Variants in CCDC47 observed in about 807,000 individuals in gnomAD.
CCDC47 encodes the protein PAT complex subunit CCDC47.
Under a neutral mutation model 60.5 loss-of-function variants are expected in CCDC47, and 41 were observed. That is an observed-to-expected ratio of 0.68 (90% CI 0.53 to 0.88). The LOEUF is 0.88. Ranked by LOEUF, CCDC47 falls within the 40% of genes least tolerant of loss-of-function variation. The probability of loss-of-function intolerance (pLI) is 0.00; values close to 1 mark genes in which losing one functional copy is unlikely to be tolerated. For missense variants in CCDC47, 513 were observed against 580.9 expected, an observed-to-expected ratio of 0.88 and a Z score of 1.20; for synonymous variants, 195 against 190.7, an observed-to-expected ratio of 1.02 and a Z score of -0.18.
intron 1 of CCDC47, among the ~76,000 whole-genome samples, chr17:63,772,590 A>G (rs561932585): frequency 2.8e-4 from 43 of 152,054 alleles, no homozygotes; most frequent in Middle Eastern, 6.8e-3. Flanking sequence ...TTTTTTTCAT[A>G]TAGAAGCAAC....
chr17:63,763,943 T>A (rs566660205), intron 4 of CCDC47, 73 bp downstream of exon 4: 1 of 1,244,962 alleles, frequency 8.0e-7, no homozygotes, highest in South Asian at 1.9e-5. Flanking sequence ...TAGATGCTTA[T>A]ACTGAGGGGA....
chr17:63,764,281 A>G (rs1165732999), intron 3 of CCDC47, 91 bp from the exon 4 acceptor site: 2 of 936,224 alleles, frequency 2.1e-6, no homozygotes, highest in African/African-American at 1.7e-5. Flanking sequence ...ATCCATAAAC[A>G]GAAGGGATAC....
intron 8 of CCDC47, chr17:63,755,243 A>T (rs1229892335): frequency 3.1e-6 from 3 of 963,850 alleles, no homozygotes; most frequent in Non-Finnish European, 1.2e-6. Context: ...TTGAGATTAC[A>T]AGTGTGAACC....
intron 12 of CCDC47, chr17:63,747,624 T>C (rs778532478): frequency 1.4e-5 from 14 of 985,224 alleles, no homozygotes; most frequent in Non-Finnish European, 1.7e-5. Context: ...TGTTGGCCAC[T>C]AGTGGTCACA....
At chr17:63,750,277 T>C (rs1421622237) in intron 12 of CCDC47, among the ~76,000 whole-genome samples, 1 of 152,128 alleles carries the variant, frequency 6.6e-6, no homozygotes, top group Non-Finnish European at 1.5e-5. Context: ...TCTTCACATG[T>C]ACATAAAAAG....
chr17:63,767,989 C>G (rs1347294289), intron 1 of CCDC47, among the ~76,000 whole-genome samples: 3 of 152,186 alleles, frequency 2.0e-5, no homozygotes, highest in African/African-American at 7.2e-5. Flanking sequence ...CCCCCACCTG[C>G]TGAAGAGCCA....
rs984712140 is a variant in CCDC47 at position 63,759,701 on chromosome 17, T to C, written c.735+1213A>G. ...TACATATCTATCTCTTGTTCTATTA[T>C]AGAAAAGAAAAAAACTGTCTTCTAT... On this transcript the variant is annotated intron_variant, in intron 6 of 12. Transcript: ENST00000225726. Among the ~76,000 whole-genome samples, 13 of 150,424 alleles carry C rather than the reference T, an allele frequency of 8.6e-5. 1 individual carries two copies. Among genetic ancestry groups the C allele is most frequent in the African/African-American group, 2.4e-4 (10 of 41,236 alleles).
chr17:63,763,773 G>A (rs370337964), intron 4 of CCDC47, among the ~76,000 whole-genome samples: 12 of 151,626 alleles, frequency 7.9e-5, no homozygotes, highest in Admixed American at 1.3e-4. Context: ...GCAGTGAGCC[G>A]AGATCGCGCC....
intron 4 of CCDC47, among the ~76,000 whole-genome samples, chr17:63,762,599 TAA>T (rs2039269110): frequency 6.6e-6 from 1 of 152,222 alleles, no homozygotes; most frequent in African/African-American, 2.4e-5. Context: ...AATAAGGTGC[TAA>T]ATGCCAAATA....
intron 9 of CCDC47, among the ~76,000 whole-genome samples, chr17:63,754,113 CAAAA>C (rs1463605476): frequency 6.9e-6 from 1 of 145,684 alleles, no homozygotes; most frequent in Non-Finnish European, 1.5e-5. Flanking sequence ...CTCAAACAAA[CAAAA>C]AACAAAACAA....
intron 12 of CCDC47, chr17:63,747,879 G>C (rs1267233720): frequency 1.3e-6 from 1 of 744,658 alleles, no homozygotes; most frequent in Non-Finnish European, 1.6e-6. Context: ...TTTTGAGATA[G>C]GGTCTTGCTG....
At chr17:63,760,834 A>C in intron 6 of CCDC47, 80 bp downstream of exon 6, 1 of 976,350 alleles carries the variant, frequency 1.0e-6, no homozygotes, top group Non-Finnish European at 1.5e-6. Flanking sequence ...GTGAGACTCC[A>C]TCAAAAAAAA....
At chr17:63,748,504 A>T (rs2039137498) in intron 12 of CCDC47, among the ~76,000 whole-genome samples, 1 of 151,904 alleles carries the variant, frequency 6.6e-6, no homozygotes, top group African/African-American at 2.4e-5. Context: ...GACTCACTGC[A>T]ACCTCTGCCT....
At chr17:63,751,829 G>T in intron 12 of CCDC47, 111 bp downstream of exon 12, 1 of 1,176,696 alleles carries the variant, frequency 8.5e-7, no homozygotes, top group Non-Finnish European at 1.3e-6. Flanking sequence ...TGTCCCAAAT[G>T]TTGAGAAAAT....
At chr17:63,751,826 A>C in intron 12 of CCDC47, 114 bp downstream of exon 12, 1 of 1,145,150 alleles carries the variant, frequency 8.7e-7, no homozygotes, top group Non-Finnish European at 1.3e-6. Context: ...CAATGTCCCA[A>C]ATGTTGAGAA....
chr17:63,764,140 C>G lies in CCDC47; in HGVS notation c.423G>C (p.Leu141Phe), dbSNP rs776778593. 5 of 1,611,874 alleles carry G rather than the reference C, an allele frequency of 3.1e-6. No homozygotes were observed. Among genetic ancestry groups the G allele is most frequent in the East Asian group, 2.2e-5 (1 of 44,720 alleles). The part of the protein sequence containing the change: ...NSWESYYLEI[L>F]MVTGLLAYIM... Reference sequence around the variant, plus strand: ...TATAAGCAAGCAGACCAGTCACCATCAAAATTTCTAGATAATAACTCTCCC... The same window carrying G: ...TATAAGCAAGCAGACCAGTCACCATGAAAATTTCTAGATAATAACTCTCCC... Residue 141 changes from leucine to phenylalanine, a missense_variant, in exon 4 of 13, where the codon TTG (leucine) becomes TTC (phenylalanine). Coordinates refer to ENST00000225726, the MANE Select transcript of CCDC47 (RefSeq NM_020198.3).
intron 9 of CCDC47, chr17:63,753,522 C>T: frequency 2.1e-6 from 1 of 478,994 alleles, no homozygotes; most frequent in Non-Finnish European, 2.7e-6. Context: ...TAGTCTTTAA[C>T]TAAAAATTTA....
chr17:63,756,395 G>A (rs760289747), intron 7 of CCDC47, 45 bp from the exon 8 acceptor site: 1 of 1,581,798 alleles, frequency 6.3e-7, no homozygotes, highest in South Asian at 1.1e-5. Flanking sequence ...CTTTTATTAT[G>A]CAATGAAGCT....
intron 4 of CCDC47, chr17:63,761,919 G>A (rs2039264584): frequency 1.4e-6 from 1 of 692,900 alleles, no homozygotes. Flanking sequence ...GATCAGCTTA[G>A]AGTATAAGTC....
Sources: gnomAD v4.1 joint callset for allele counts (sites outside exome capture counted in the v4.1 genomes callset) on GRCh38, gnomAD v4.1.1 for gene constraint, MANE v1.5 for transcripts, NCBI Gene and HGNC (gene_info 2026-07-23, HGNC 2026-07-21) for gene names.